GABRA2: variants seen among roughly 807,000 people sequenced by gnomAD.
The protein encoded by GABRA2 is gamma-aminobutyric acid type A receptor subunit alpha2.
A neutral mutation model predicts 48.7 loss-of-function variants in GABRA2; 16 were observed. The observed-to-expected ratio is 0.33, with a 90% confidence interval of 0.22 to 0.50. The LOEUF (loss-of-function observed/expected upper bound fraction) is 0.50. GABRA2 is among the 20% of genes least tolerant of loss of function. The probability of loss-of-function intolerance (pLI) is 0.98; values close to 1 mark genes in which losing one functional copy is unlikely to be tolerated. For missense variants in GABRA2, 275 were observed against 535.6 expected (o/e 0.51, Z 4.80); for synonymous variants, 185 against 184.5 (o/e 1.00, Z -0.02).
intron 4 of GABRA2, among the ~76,000 whole-genome samples, chr4:46,315,929 T>C (rs1212840953): frequency 7.6e-6 from 1 of 131,574 alleles, no homozygotes; most frequent in Non-Finnish European, 1.6e-5. Context: ...TACTTTCACA[T>C]TTAGTACATA....
At chr4:46,280,644 C>T (rs1272470933) in intron 8 of GABRA2, among the ~76,000 whole-genome samples, 4 of 152,098 alleles carry the variant, frequency 2.6e-5, no homozygotes, top group Admixed American at 1.3e-4. Context: ...AAGCAAGAGT[C>T]GATTAAGAGT....
intron 8 of GABRA2, among the ~76,000 whole-genome samples, chr4:46,268,280 T>A (rs1718649692): frequency 6.6e-6 from 1 of 151,550 alleles, no homozygotes; most frequent in South Asian, 2.1e-4. Context: ...GTAGAAAAAA[T>A]TTGCAAGTCA....
chr4:46,280,503 G>A (rs1721325636), intron 8 of GABRA2, among the ~76,000 whole-genome samples: 1 of 152,158 alleles, frequency 6.6e-6, no homozygotes, highest in Admixed American at 6.6e-5. Flanking sequence ...TTTCTGAAGA[G>A]TCTTTGGCTT....
chr4:46,308,943 A>G (rs989542471), intron 6 of GABRA2, among the ~76,000 whole-genome samples: 1 of 151,904 alleles, frequency 6.6e-6, no homozygotes, highest in African/African-American at 2.4e-5. Context: ...AGGCTTTTCA[A>G]TTTTTTCTAT....
chr4:46,346,047 G>A (rs188025804), intron 3 of GABRA2, among the ~76,000 whole-genome samples: 20 of 151,880 alleles, frequency 1.3e-4, no homozygotes, highest in Non-Finnish European at 2.2e-4. Flanking sequence ...AGATGAGTTA[G>A]TCATTGCTGT....
chr4:46,362,182 G>A (rs1713314494), intron 3 of GABRA2, among the ~76,000 whole-genome samples: 1 of 152,090 alleles, frequency 6.6e-6, no homozygotes, highest in African/African-American at 2.4e-5. Flanking sequence ...TGGTTTGGCT[G>A]TATAGGAGGA....
At chr4:46,307,547 C>T (rs1726914564) in intron 6 of GABRA2, among the ~76,000 whole-genome samples, 1 of 151,426 alleles carries the variant, frequency 6.6e-6, no homozygotes, top group African/African-American at 2.4e-5. Context: ...ATTTTTAAGG[C>T]ACTAATGAGA....
chr4:46,321,713 T>C (rs146654595), intron 4 of GABRA2, among the ~76,000 whole-genome samples: 304 of 152,082 alleles, frequency 2.0e-3, no homozygotes, highest in African/African-American at 6.9e-3. Flanking sequence ...TGAAGTGAGA[T>C]AATATTTGCA....
At chr4:46,263,126 C>T (rs1717393328) in intron 8 of GABRA2, among the ~76,000 whole-genome samples, 2 of 151,466 alleles carry the variant, frequency 1.3e-5, no homozygotes, top group African/African-American at 4.9e-5. Flanking sequence ...TATATACATA[C>T]AATATAGGAA....
chr4:46,348,781 G>C (rs1202710853), intron 3 of GABRA2, among the ~76,000 whole-genome samples: 2 of 125,206 alleles, frequency 1.6e-5, no homozygotes, highest in South Asian at 3.3e-4. Context: ...GTTGTGGGGT[G>C]GGGGGAGGGG....
At chr4:46,317,326 G>A (rs1728710652) in intron 4 of GABRA2, among the ~76,000 whole-genome samples, 1 of 151,812 alleles carries the variant, frequency 6.6e-6, no homozygotes, top group African/African-American at 2.4e-5. Flanking sequence ...GGCTTACAAA[G>A]TAAAGTGTGT....
At chr4:46,317,337 G>A (rs546951982) in intron 4 of GABRA2, among the ~76,000 whole-genome samples, 1 of 151,878 alleles carries the variant, frequency 6.6e-6, no homozygotes, top group East Asian at 1.9e-4. Context: ...TAAAGTGTGT[G>A]TATCCATTTG....
At position 46,291,011 on chromosome 4, in the gene GABRA2, A is replaced by G. The variant is rs1408896681; in HGVS notation, c.856+12449T>C. On this transcript the variant is annotated intron_variant, in intron 8 of 9. Transcript: ENST00000381620. ...CTTGTGTTTTGTTAAGGAATTTTGC[A>G]TCTATATTCATAATGGATATTAGTA... Among the ~76,000 whole-genome samples, 3 of 152,174 alleles carry G rather than the reference A, an allele frequency of 2.0e-5. No homozygotes were observed. In the East Asian group the frequency reaches 5.8e-4, roughly 29 times the overall value.
chr4:46,332,722 T>C (rs1470555955), intron 3 of GABRA2, 40 bp from the exon 4 acceptor site: 1 of 1,167,926 alleles, frequency 8.6e-7, no homozygotes, highest in Admixed American at 1.8e-5. Flanking sequence ...TATTATATAA[T>C]AAGAGCCACA....
intron 4 of GABRA2, among the ~76,000 whole-genome samples, chr4:46,316,212 A>G (rs1728530513): frequency 6.6e-6 from 1 of 152,020 alleles, no homozygotes. Flanking sequence ...CAATATTGCT[A>G]CAAATATTCT....
intron 8 of GABRA2, among the ~76,000 whole-genome samples, chr4:46,264,986 C>CATATACATATATATATATATAT (rs1717800736): frequency 9.3e-6 from 1 of 107,470 alleles, no homozygotes; most frequent in Non-Finnish European, 2.0e-5. Context: ...TTACTTTATA[C>CATATACATATATATATATATAT]ATATATATAT....
At chr4:46,361,324 G>A (rs1713150887) in intron 3 of GABRA2, among the ~76,000 whole-genome samples, 1 of 152,148 alleles carries the variant, frequency 6.6e-6, no homozygotes, top group African/African-American at 2.4e-5. Context: ...CATCCCAGTT[G>A]ATCCAGCTGT....
Position 46,389,971 on chromosome 4 carries a change from TC to T in GABRA2, c.-248del. 2 of 983,084 alleles carry T rather than the reference TC, an allele frequency of 2.0e-6. No homozygotes were observed. Among genetic ancestry groups the T allele is most frequent in the Non-Finnish European group, 1.2e-6 (1 of 831,286 alleles). The allele number at this position is 983,084 out of a possible 1,614,324, so 60.9% of individuals were successfully genotyped here. On this transcript the variant is annotated 5_prime_UTR_variant, in exon 1 of 10. Coordinates refer to ENST00000381620, the MANE Select transcript of GABRA2 (RefSeq NM_000807.4). Reference sequence around the variant, plus strand: ...GAGGTGTAGAAGGAGGCGAAGGCGTTCGTAGTGGCGGTGATGGGCGGAGGAG... The same window carrying T: ...GAGGTGTAGAAGGAGGCGAAGGCGTTGTAGTGGCGGTGATGGGCGGAGGAG...
chr4:46,382,518 G>A (rs1716899564), intron 3 of GABRA2, among the ~76,000 whole-genome samples: 1 of 152,056 alleles, frequency 6.6e-6, no homozygotes, highest in African/African-American at 2.4e-5. Flanking sequence ...GTCACCACAA[G>A]AAATAAATCC....
Sources: gnomAD v4.1 joint callset for allele counts (sites outside exome capture counted in the v4.1 genomes callset) on GRCh38, gnomAD v4.1.1 for gene constraint, MANE v1.5 for transcripts, NCBI Gene and HGNC (gene_info 2026-07-23, HGNC 2026-07-21) for gene names.